OPCML: variants seen among roughly 807,000 people sequenced by gnomAD.
The protein encoded by OPCML is opioid binding protein/cell adhesion molecule like.
Under a neutral mutation model 37.8 loss-of-function variants are expected in OPCML, and 13 were observed. The ratio of observed to expected loss-of-function variants is 0.34; its 90% CI spans 0.22 to 0.55. The LOEUF (loss-of-function observed/expected upper bound fraction) is 0.55. OPCML is among the 20% of genes least tolerant of loss of function. The pLI is 0.91. For synonymous variants in OPCML, 176 were observed against 168.8 expected, an observed-to-expected ratio of 1.04 and a Z score of -0.33; for missense variants, 341 against 435.6, an observed-to-expected ratio of 0.78 and a Z score of 1.93.
chr11:133,301,389 A>G (rs2136565962), intron 1 of OPCML: 1 of 152,324 alleles, frequency 6.6e-6, no homozygotes, highest in Non-Finnish European at 1.5e-5. Context: ...GCTGAAGTAG[A>G]GAGAATCTGC....
intron 2 of OPCML, among the ~76,000 whole-genome samples, chr11:132,922,303 C>G (rs759183471): frequency 6.6e-6 from 1 of 152,106 alleles, no homozygotes. Flanking sequence ...ACCCTCGACC[C>G]AAGCTGAGAC....
intron 3 of OPCML, among the ~76,000 whole-genome samples, chr11:132,631,438 A>C (rs1940113125): frequency 6.7e-6 from 1 of 149,038 alleles, no homozygotes; most frequent in Admixed American, 6.7e-5. Flanking sequence ...GGAAATATAT[A>C]TATACATACA....
At chr11:132,929,119 A>G (rs1945099508) in intron 2 of OPCML, among the ~76,000 whole-genome samples, 1 of 151,898 alleles carries the variant, frequency 6.6e-6, no homozygotes, top group African/African-American at 2.4e-5. Context: ...GGAGAGATAA[A>G]CAAAATAGAG....
chr11:133,532,266 G>C lies in OPCML; in HGVS notation c.59C>G (p.Pro20Arg). The C allele has an allele frequency of 4.3e-6, 7 of 1,613,882 alleles. No homozygotes were observed. Among genetic ancestry groups the C allele is most frequent in the Non-Finnish European group, 5.9e-6 (7 of 1,179,930 alleles). ...FSATTALLFI[P>R]GVPVRSGDAT... is the part of the protein sequence containing the mutation. ...AACACCCTTCCCCTGTACGGTACCT[G>C]GGATGAAGAGCAGGGCAGTTGTCGC... The change falls in exon 1 of 8, where the codon CCA (proline) becomes CGA (arginine). Residue 20 changes from proline to arginine, a missense_variant and splice_region_variant. By Grantham distance (103) the Pro-to-Arg change is moderately radical. Transcript: ENST00000524381.
intron 1 of OPCML, among the ~76,000 whole-genome samples, chr11:133,013,351 T>C (rs1947258022): frequency 6.6e-6 from 1 of 152,212 alleles, no homozygotes; most frequent in African/African-American, 2.4e-5. Flanking sequence ...GTTCAAACAA[T>C]GCACATATCC....
At chr11:132,754,434 A>G (rs1252203364) in intron 2 of OPCML, among the ~76,000 whole-genome samples, 1 of 152,182 alleles carries the variant, frequency 6.6e-6, no homozygotes, top group East Asian at 1.9e-4. Context: ...CATCTATGTA[A>G]GATGTGACTT....
At chr11:132,930,316 A>G (rs560126343) in intron 2 of OPCML, among the ~76,000 whole-genome samples, 4 of 152,256 alleles carry the variant, frequency 2.6e-5, no homozygotes, top group African/African-American at 9.6e-5. Context: ...GTGAGCCATG[A>G]TTGTGTCACT....
intron 1 of OPCML, among the ~76,000 whole-genome samples, chr11:133,485,149 C>T (rs996157731): frequency 6.6e-6 from 1 of 152,090 alleles, no homozygotes; most frequent in Admixed American, 6.6e-5. Flanking sequence ...AATACAAACA[C>T]TTCATTTAAA....
At chr11:133,259,426 C>A (rs530997687) in intron 1 of OPCML, among the ~76,000 whole-genome samples, 2 of 152,176 alleles carry the variant, frequency 1.3e-5, no homozygotes, top group Non-Finnish European at 2.9e-5. Context: ...TGTACCCCAG[C>A]AGTGAGGTTA....
intron 1 of OPCML, among the ~76,000 whole-genome samples, chr11:133,254,849 G>C (rs1362207652): frequency 6.6e-6 from 1 of 152,050 alleles, no homozygotes; most frequent in East Asian, 1.9e-4. Flanking sequence ...GGTAGCAGGG[G>C]ATCTTCATGA....
intron 1 of OPCML, among the ~76,000 whole-genome samples, chr11:133,234,818 T>C (rs924391903): frequency 8.5e-5 from 13 of 152,144 alleles, no homozygotes; most frequent in African/African-American, 2.7e-4. Context: ...AGGGAGATGA[T>C]GTTATCTTAA....
At chr11:133,083,121 T>TCACACACACCACG (rs1462387656) in intron 1 of OPCML, among the ~76,000 whole-genome samples, 1 of 151,784 alleles carries the variant, frequency 6.6e-6, no homozygotes. Context: ...CACACTCACA[T>TCACACACACCACG]CACACACACC....
intron 7 of OPCML, among the ~76,000 whole-genome samples, chr11:132,432,341 G>A (rs1337141991): frequency 2.6e-5 from 4 of 152,170 alleles, no homozygotes; most frequent in African/African-American, 9.7e-5. Context: ...TCCCTGGCCA[G>A]GAGAAAGAGC....
chr11:133,377,381 T>C (rs1265901922), intron 1 of OPCML, among the ~76,000 whole-genome samples: 1 of 151,996 alleles, frequency 6.6e-6, no homozygotes, highest in Non-Finnish European at 1.5e-5. Flanking sequence ...GAACTACATT[T>C]TCCAAACATT....
intron 1 of OPCML, among the ~76,000 whole-genome samples, chr11:133,191,504 GGTGTGT>G (rs56143154): frequency 8.7e-4 from 124 of 142,454 alleles, no homozygotes; most frequent in African/African-American, 3.1e-3. Flanking sequence ...TGTGTGTGTG[GGTGTGT>G]GTGTGTGTGT....
chr11:132,768,792 C>T (rs910527215), intron 2 of OPCML, among the ~76,000 whole-genome samples: 10 of 152,144 alleles, frequency 6.6e-5, no homozygotes, highest in Non-Finnish European at 8.8e-5. Context: ...CAAGGAGACC[C>T]GGGCTCCCCA....
intron 1 of OPCML, among the ~76,000 whole-genome samples, chr11:133,093,140 T>A (rs559731198): frequency 1.3e-5 from 2 of 152,122 alleles, no homozygotes; most frequent in South Asian, 4.1e-4. Context: ...AGTTCTTTAG[T>A]GGTGATTTGT....
intron 2 of OPCML, among the ~76,000 whole-genome samples, chr11:132,789,657 G>T (rs1937763410): frequency 1.3e-5 from 2 of 152,318 alleles, no homozygotes; most frequent in African/African-American, 4.8e-5. Flanking sequence ...ACAATATTTT[G>T]CATGGGAGGA....
chr11:132,597,625 C>G (rs1159296794), intron 3 of OPCML, among the ~76,000 whole-genome samples: 4 of 152,098 alleles, frequency 2.6e-5, no homozygotes, highest in African/African-American at 9.7e-5. Flanking sequence ...CTGAAAAGCA[C>G]GAGGTTTGCA....
Sources: gnomAD v4.1 joint callset for allele counts (sites outside exome capture counted in the v4.1 genomes callset) on GRCh38, gnomAD v4.1.1 for gene constraint, MANE v1.5 for transcripts, NCBI Gene and HGNC (gene_info 2026-07-23, HGNC 2026-07-21) for gene names.